The following COL14A1 variants were observed in gnomAD, a reference collection of about 807,000 sequenced individuals.
COL14A1 encodes the protein collagen alpha-1(XIV) chain.
COL14A1 carries 136 observed loss-of-function variants against 230.3 expected under a neutral mutation model. The ratio of observed to expected loss-of-function variants is 0.59; its 90% CI spans 0.51 to 0.68. The LOEUF (loss-of-function observed/expected upper bound fraction) is 0.68. COL14A1 is among the 30% of genes least tolerant of loss of function. COL14A1 has a pLI of 0.00. For missense variants in COL14A1, 1,976 were observed against 2,215.8 expected (o/e 0.89, Z 2.17); for synonymous variants, 792 against 784.1 (o/e 1.01, Z -0.17).
intron 42 of COL14A1, among the ~76,000 whole-genome samples, chr8:120,335,859 G>A (rs1282105964): frequency 1.3e-5 from 2 of 152,208 alleles, no homozygotes; most frequent in Non-Finnish European, 2.9e-5. Context: ...GCTGCTCACT[G>A]CTGGGGCCAT....
chr8:120,158,453 C>A (rs933790745), intron 3 of COL14A1, among the ~76,000 whole-genome samples: 4 of 152,102 alleles, frequency 2.6e-5, no homozygotes, highest in African/African-American at 9.7e-5. Context: ...TCTTTTTAGA[C>A]CAAATAATCA....
intron 1 of COL14A1, among the ~76,000 whole-genome samples, chr8:120,137,008 G>GTGCTT (rs1812080773): frequency 6.8e-6 from 1 of 148,006 alleles, no homozygotes; most frequent in African/African-American, 2.5e-5. Context: ...GCCTTCACCT[G>GTGCTT]TGCTTTCAGG....
intron 5 of COL14A1, among the ~76,000 whole-genome samples, chr8:120,187,473 C>T (rs1197545906): frequency 6.6e-6 from 1 of 152,166 alleles, no homozygotes; most frequent in East Asian, 1.9e-4. Flanking sequence ...AAGTTGGGAG[C>T]TTTGTTGTGT....
chr8:120,149,102 A>C (rs1487604692), intron 2 of COL14A1, among the ~76,000 whole-genome samples: 1 of 152,264 alleles, frequency 6.6e-6, no homozygotes, highest in African/African-American at 2.4e-5. Flanking sequence ...AAGTGATATT[A>C]TTAGACAAAC....
rs77121399 is a variant in COL14A1, at chr8:120,125,379, C to T, written c.-38+39C>T. The T allele has an allele frequency of 7.7e-3, 1,176 of 152,484 alleles. 7 individuals are homozygous for T. The highest frequency in any genetic ancestry group is 0.013 in the Non-Finnish European group (909 of 68,162). 9.4% of individuals were successfully genotyped at this position (152,484 alleles called of 1,614,324 possible). A position where few individuals can be genotyped will look rare whatever the true frequency, so the allele number is the denominator to read the frequency against. On this transcript the variant is annotated intron_variant, in intron 1 of 47. Transcript: ENST00000297848. ...TCTCTGCTCTTCTTTGGCTCGGCTTCGAAGTCCATTCATGAGCAAGGAAAA... is the reference window on the plus strand; with the variant it reads ...TCTCTGCTCTTCTTTGGCTCGGCTTTGAAGTCCATTCATGAGCAAGGAAAA...
chr8:120,274,841 A>T (rs1244023926), intron 26 of COL14A1, among the ~76,000 whole-genome samples: 1 of 151,934 alleles, frequency 6.6e-6, no homozygotes, highest in Non-Finnish European at 1.5e-5. Flanking sequence ...GCTAAGAGAA[A>T]TCAGAGATGA....
chr8:120,176,388 G>A (rs956845336), intron 5 of COL14A1, among the ~76,000 whole-genome samples: 4 of 152,160 alleles, frequency 2.6e-5, no homozygotes, highest in African/African-American at 9.7e-5. Context: ...CATTATGGTT[G>A]AGTGTAGCCT....
intron 1 of COL14A1, among the ~76,000 whole-genome samples, chr8:120,146,292 T>C (rs1335033283): frequency 6.6e-6 from 1 of 152,214 alleles, no homozygotes; most frequent in Non-Finnish European, 1.5e-5. Context: ...TACTCAGCTT[T>C]CGGTATCAGA....
chr8:120,210,914 C>T (rs534115848), intron 12 of COL14A1, among the ~76,000 whole-genome samples: 4 of 150,296 alleles, frequency 2.7e-5, no homozygotes, highest in East Asian at 2.0e-4. Context: ...ATTATTTTGA[C>T]AAAAGAGAGA....
At chr8:120,322,231 G>A (rs1401494996) in intron 40 of COL14A1, among the ~76,000 whole-genome samples, 1 of 151,852 alleles carries the variant, frequency 6.6e-6, no homozygotes, top group Non-Finnish European at 1.5e-5. Context: ...TGGGGGGTGG[G>A]GTTGGGGAAG....
intron 32 of COL14A1, among the ~76,000 whole-genome samples, chr8:120,285,071 T>A (rs775144810): frequency 6.6e-6 from 1 of 151,952 alleles, no homozygotes. Context: ...ATTAGAAAAA[T>A]TTTTGCTTGT....
At chr8:120,148,042 C>A (rs1444675408) in intron 2 of COL14A1, 112 bp downstream of exon 2, 4 of 739,270 alleles carry the variant, frequency 5.4e-6, no homozygotes, top group Non-Finnish European at 8.9e-6. Flanking sequence ...TGAGTTTTAC[C>A]AACTGTTTGC....
chr8:120,143,044 G>A (rs996211479), intron 1 of COL14A1, among the ~76,000 whole-genome samples: 1 of 152,204 alleles, frequency 6.6e-6, no homozygotes, highest in Non-Finnish European at 1.5e-5. Context: ...CTACCTGAAA[G>A]CTATATTAAT....
At position 120,153,745 on chromosome 8, in the gene COL14A1, G is replaced by A. The variant is rs200142318; in HGVS notation, c.89-4385G>A. Among the ~76,000 whole-genome samples the A allele has an allele frequency of 1.4e-4, 21 of 152,320 alleles. No homozygotes were observed. In the East Asian group the frequency reaches 1.5e-3, roughly 11 times the overall value. On this transcript the variant is annotated intron_variant, in intron 2 of 47. Transcript: ENST00000297848. The stretch of plus-strand genomic sequence containing the variant: ...AATGTATTCACCAGTAGGTAATGCA[G>A]TAGCTCATATAATCAAAGTAAAAGT...
In COL14A1 at chr8:120,164,217, T is replaced by C. The variant is rs73321633; in HGVS notation, c.349+1648T>C. ...AATTAGCTGCTCAGGGCCAGTCTTA[T>C]ATCTTCTATCTTTCAAACCCTTTGC... On this transcript the variant is annotated intron_variant, in intron 4 of 47. Transcript: ENST00000297848. Among the ~76,000 whole-genome samples the C allele has an allele frequency of 6.2e-3, 945 of 152,334 alleles. 14 individuals carry two copies. Among genetic ancestry groups the C allele is most frequent in the African/African-American group, 0.021 (866 of 41,582 alleles).
chr8:120,169,579 A>T (rs1816033186), intron 5 of COL14A1, among the ~76,000 whole-genome samples: 1 of 152,036 alleles, frequency 6.6e-6, no homozygotes, highest in Middle Eastern at 3.2e-3. Context: ...TATTTTGAGT[A>T]TGAAACCCTT....
chr8:120,255,377 AC>A (rs756682949), intron 23 of COL14A1, 21 bp downstream of exon 23: 20 of 1,560,496 alleles, frequency 1.3e-5, no homozygotes, highest in Admixed American at 1.7e-5. Flanking sequence ...TCCATCACTT[AC>A]GTTTTTGTCA....
chr8:120,199,970 A>G (rs1051156245), intron 8 of COL14A1, among the ~76,000 whole-genome samples: 1 of 142,098 alleles, frequency 7.0e-6, no homozygotes, highest in African/African-American at 2.7e-5. Flanking sequence ...AACTACGTAA[A>G]GAAGACACAA....
At chr8:120,302,572 G>A (rs1820748010) in intron 36 of COL14A1, among the ~76,000 whole-genome samples, 3 of 151,980 alleles carry the variant, frequency 2.0e-5, no homozygotes, top group Non-Finnish European at 2.9e-5. Context: ...TTTTTTCTGG[G>A]TTCTGTATTC....
Sources: gnomAD v4.1 joint callset for allele counts (sites outside exome capture counted in the v4.1 genomes callset) on GRCh38, gnomAD v4.1.1 for gene constraint, MANE v1.5 for transcripts, NCBI Gene and HGNC (gene_info 2026-07-23, HGNC 2026-07-21) for gene names.